The following NEMF variants were observed in gnomAD, a reference collection of about 807,000 sequenced individuals.
NEMF encodes the protein nuclear export mediator factor, also known as ribosome quality control complex subunit NEMF.
A neutral mutation model predicts 162.2 loss-of-function variants in NEMF; 89 were observed. That is an observed-to-expected ratio of 0.55 (90% confidence interval 0.46 to 0.65). The LOEUF (loss-of-function observed/expected upper bound fraction) is 0.65, where lower values mean the gene tolerates loss of function less well. Ranked by LOEUF, NEMF falls within the 30% of genes least tolerant of loss-of-function variation. The pLI, the probability that NEMF is intolerant of heterozygous loss-of-function variation, is 0.00. For missense variants in NEMF, 1,133 were observed against 1,261.9 expected (o/e 0.90, Z 1.55); for synonymous variants, 421 against 404.5 (o/e 1.04, Z -0.49).
chr14:49,833,190 A>C (rs894071991), intron 8 of NEMF, among the ~76,000 whole-genome samples: 2 of 152,100 alleles, frequency 1.3e-5, no homozygotes, highest in African/African-American at 4.8e-5. Context: ...CACTTCAACC[A>C]GGGAAGCAGA....
chr14:49,822,412 T>C (rs1458968615), intron 16 of NEMF, among the ~76,000 whole-genome samples: 1 of 150,570 alleles, frequency 6.6e-6, no homozygotes, highest in Non-Finnish European at 1.5e-5. Context: ...TCCCAGCTAC[T>C]TGGGAGGCTG....
intron 18 of NEMF, among the ~76,000 whole-genome samples, chr14:49,813,315 C>T (rs1397682334): frequency 6.6e-6 from 1 of 152,090 alleles, no homozygotes; most frequent in African/African-American, 2.4e-5. Flanking sequence ...AATGCAAATA[C>T]TTCAAAATAT....
At chr14:49,804,986 C>T (rs1158255342) in intron 19 of NEMF, among the ~76,000 whole-genome samples, 1 of 152,108 alleles carries the variant, frequency 6.6e-6, no homozygotes, top group Non-Finnish European at 1.5e-5. Context: ...GCTAAGATTG[C>T]ACCACTACAC....
At chr14:49,815,027 A>G (rs1454350433) in intron 16 of NEMF, among the ~76,000 whole-genome samples, 170 bp from the exon 17 acceptor site, 1 of 152,192 alleles carries the variant, frequency 6.6e-6, no homozygotes, top group African/African-American at 2.4e-5. Context: ...TTGCCCTAGG[A>G]TATTCTTTAG....
chr14:49,805,579 TAAAA>T (rs1173593154), intron 19 of NEMF, among the ~76,000 whole-genome samples: 1 of 144,492 alleles, frequency 6.9e-6, no homozygotes, highest in African/African-American at 2.5e-5. Context: ...CAAGTGAATT[TAAAA>T]AAAAAAACAA....
chr14:49,833,497 C>A lies in NEMF; in HGVS notation c.662-1G>T. 6.4e-7 allele frequency: 1 copy of A among 1,560,904 alleles called. No homozygotes were observed. Among genetic ancestry groups the A allele is most frequent in the Non-Finnish European group, 8.7e-7 (1 of 1,146,620 alleles). On this transcript the variant is annotated splice_acceptor_variant, in intron 7 of 32. Coordinates refer to ENST00000298310, the MANE Select transcript of NEMF (RefSeq NM_004713.6). LOFTEE classifies it high-confidence loss of function. ...AGAGAAACAAGTACTTTTTCAATAT[C>A]TAATGGTGGGGGAAAAAAAGGAAAA...
chr14:49,796,139 C>T (rs1207420106), intron 25 of NEMF, 195 bp from the exon 26 acceptor site: 2 of 613,614 alleles, frequency 3.3e-6, no homozygotes, highest in Non-Finnish European at 3.0e-6. Context: ...TTTTTCATCT[C>T]TCATGGATTT....
Position 49,833,513 on chromosome 14 carries a change from A to G in NEMF, c.662-17T>C, listed in dbSNP as rs530012462. On this transcript the variant is annotated splice_polypyrimidine_tract_variant and intron_variant, in intron 7 of 32. Coordinates refer to ENST00000298310, the MANE Select transcript of NEMF (RefSeq NM_004713.6). ...TTTCAATATCTAATGGTGGGGGAAAAAAAGGAAAAAAGGAGTGCCAATCAA... is the reference window on the plus strand; with the variant it reads ...TTTCAATATCTAATGGTGGGGGAAAGAAAGGAAAAAAGGAGTGCCAATCAA... The G allele has an allele frequency of 3.3e-6, 5 of 1,519,416 alleles. No individual in the cohort carries two copies. Among genetic ancestry groups the G allele is most frequent in the Non-Finnish European group, 4.5e-6 (5 of 1,112,478 alleles). The allele number at this position is 1,519,416 out of a possible 1,614,324, so 94.1% of individuals were successfully genotyped here. A position where few individuals can be genotyped will look rare whatever the true frequency, so the allele number is the denominator to read the frequency against.
Position 49,838,211 on chromosome 14 carries a change from G to T in NEMF, c.507-5C>A. Reference sequence around the variant, plus strand: ...CTGGCTACTATTTCAGTCAACCTGTGAAACAAAACGGACATGCCTCTATCA... The same window carrying T: ...CTGGCTACTATTTCAGTCAACCTGTTAAACAAAACGGACATGCCTCTATCA... On this transcript the variant is annotated splice_region_variant and splice_polypyrimidine_tract_variant and intron_variant, in intron 5 of 32. Coordinates refer to ENST00000298310, the MANE Select transcript of NEMF (RefSeq NM_004713.6). The T allele has an allele frequency of 6.2e-7, 1 of 1,613,454 alleles. No individual in the cohort carries two copies. The highest frequency in any genetic ancestry group is 8.5e-7 in the Non-Finnish European group (1 of 1,179,488).
rs192288745 is a variant in NEMF at position 49,827,633 on chromosome 14, T to G, written c.1488+658A>C. 3.6e-3 allele frequency among the ~76,000 whole-genome samples: 540 copies of G among 151,982 alleles called. 3 individuals are homozygous for G. The highest frequency in any genetic ancestry group is 0.012 in the African/African-American group (514 of 41,494). On this transcript the variant is annotated intron_variant, in intron 15 of 32. Coordinates refer to ENST00000298310, the MANE Select transcript of NEMF (RefSeq NM_004713.6). Reference sequence around the variant, plus strand: ...TTTGAGACCAAGCTGACCAACATGGTGAAACCCTGTCTCTACTAAAACTAC... The same window carrying G: ...TTTGAGACCAAGCTGACCAACATGGGGAAACCCTGTCTCTACTAAAACTAC...
intron 18 of NEMF, among the ~76,000 whole-genome samples, chr14:49,809,985 C>T (rs1054118596): frequency 6.6e-6 from 1 of 151,840 alleles, no homozygotes; most frequent in Non-Finnish European, 1.5e-5. Context: ...GGGGAGGCTA[C>T]GCATGCATGC....
chr14:49,821,669 C>T (rs1163610653), intron 16 of NEMF, among the ~76,000 whole-genome samples: 2 of 132,568 alleles, frequency 1.5e-5, no homozygotes, highest in East Asian at 2.4e-4. Context: ...CCAGCCGCCC[C>T]GTCCGGGAGG....
chr14:49,844,707 A>ATTTATTTAT lies in NEMF; in HGVS notation c.357+1432_357+1433insATAAATAAA, dbSNP rs1391963120. The ATTTATTTAT allele has an allele frequency of 8.1e-4, 75 of 92,524 alleles. 1 individual carries two copies. The highest frequency in any genetic ancestry group is 4.1e-3 in the Middle Eastern group (1 of 244). The allele number at this position is 92,524 out of a possible 1,614,324, so 5.7% of individuals were successfully genotyped here. ...ATTAAATTTATGTATTTATTTATTTATATACATACACACGCACGCGCACGC... is the reference window on the plus strand; with the variant it reads ...ATTAAATTTATGTATTTATTTATTTATTTATTTATTATACATACACACGCACGCGCACGC... On this transcript the variant is annotated intron_variant, in intron 4 of 32. Coordinates refer to ENST00000298310, the MANE Select transcript of NEMF (RefSeq NM_004713.6).
chr14:49,795,805 T>G lies in NEMF; in HGVS notation c.2605A>C (p.Lys869Gln), dbSNP rs1439039801. The G allele has an allele frequency of 6.2e-7, 1 of 1,610,854 alleles. No individual in the cohort carries two copies. The highest frequency in any genetic ancestry group is 1.3e-5 in the African/African-American group (1 of 74,628). Residue 869 changes from lysine (K) to glutamine (Q), a missense_variant, in exon 26 of 33, where the codon AAA becomes CAA. This residue lies in a region of NEMF where 532 missense variants were observed against 578.6 expected (regional missense o/e 0.92). Coordinates refer to ENST00000298310, the MANE Select transcript of NEMF (RefSeq NM_004713.6). ...SKNVAAVQPM[K>Q]RGQKSKMKKM... is the part of the protein sequence containing the mutation. ...CTGAAGTTTACCTTTTGTCCTCGTTTCATTGGCTGCACAGCCGCAACATTT... is the reference window on the plus strand; with the variant it reads ...CTGAAGTTTACCTTTTGTCCTCGTTGCATTGGCTGCACAGCCGCAACATTT...
Position 49,829,126 on chromosome 14 carries a change from G to A in NEMF, c.1160C>T (p.Ala387Val). The A allele has an allele frequency of 1.2e-6, 2 of 1,614,140 alleles. No homozygotes were observed. Among genetic ancestry groups the A allele is most frequent in the Non-Finnish European group, 1.7e-6 (2 of 1,179,986 alleles). ...TGCACTTGCAACAGGGTCTCCTTGA[G>A]CCTGGGCTTCTTTCACAATTAACCC... ...EIGLIVKEAQ[A>V]QGDPVASAIK... Residue 387 changes from alanine to valine, a missense_variant, in exon 13 of 33, where the codon GCT (alanine) becomes GTT (valine). Around this residue, in one of 3 missense-constraint regions of NEMF, gnomAD observed 582 missense variants for 631.5 expected, o/e 0.92. Transcript: ENST00000298310.
At chr14:49,808,566 T>C (rs1038029765) in intron 18 of NEMF, among the ~76,000 whole-genome samples, 3 of 152,158 alleles carry the variant, frequency 2.0e-5, no homozygotes, top group African/African-American at 7.2e-5. Context: ...TACTGCATGA[T>C]ACAAGATCAT....
chr14:49,796,282 G>A, intron 25 of NEMF: 1 of 471,608 alleles, frequency 2.1e-6, no homozygotes, highest in South Asian at 1.5e-5. Context: ...ACATAGCATT[G>A]GCAGGTCTTA....
chr14:49,848,833 CAAAA>C (rs36090515), intron 3 of NEMF, among the ~76,000 whole-genome samples: 1 of 40,780 alleles, frequency 2.5e-5, no homozygotes. Context: ...GACTCCGTCT[CAAAA>C]AAAAAAAAAA....
intron 29 of NEMF, chr14:49,786,244 A>G (rs1890173958): frequency 6.2e-6 from 1 of 160,306 alleles, no homozygotes; most frequent in East Asian, 1.8e-4. Flanking sequence ...TAATAGTGCC[A>G]AAGTTGAGAA....
Sources: allele counts gnomAD v4.1 joint callset (sites outside exome capture counted in the v4.1 genomes callset), GRCh38; gene constraint gnomAD v4.1.1; regional missense constraint gnomAD v4.1.1; transcripts MANE v1.5; gene names NCBI Gene and HGNC (gene_info 2026-07-23, HGNC 2026-07-21).